SNX29: variants seen among roughly 807,000 people sequenced by gnomAD.
SNX29 encodes sorting nexin-29.
A neutral mutation model predicts 102.1 loss-of-function variants in SNX29; 78 were observed. The observed-to-expected ratio is 0.76, with a 90% confidence interval of 0.64 to 0.92. The LOEUF is 0.92. SNX29 is among the 40% of genes least tolerant of loss of function. The probability of loss-of-function intolerance (pLI) is 0.00; values close to 1 mark genes in which losing one functional copy is unlikely to be tolerated. For synonymous variants in SNX29, 580 were observed against 414.5 expected (o/e 1.40, Z -4.85); for missense variants, 1,280 against 1,061.7 (o/e 1.21, Z -2.86).
intron 5 of SNX29, among the ~76,000 whole-genome samples, chr16:12,043,911 C>T (rs552795877): frequency 2.8e-3 from 431 of 152,242 alleles, no homozygotes; most frequent in Admixed American, 4.8e-3. Context: ...TGCCACCATA[C>T]TCAGCTAATT....
chr16:12,437,727 A>G (rs1400587207), intron 18 of SNX29, among the ~76,000 whole-genome samples: 1 of 151,858 alleles, frequency 6.6e-6, no homozygotes, highest in African/African-American at 2.4e-5. Flanking sequence ...ATTTATCTCC[A>G]CCATCTTCCC....
intron 15 of SNX29, among the ~76,000 whole-genome samples, chr16:12,280,016 G>A (rs2079381974): frequency 6.6e-6 from 1 of 152,226 alleles, no homozygotes; most frequent in Non-Finnish European, 1.5e-5. Context: ...CTCCACCTGT[G>A]GGGCTGCTGG....
chr16:12,250,830 C>T (rs758808993), intron 14 of SNX29, among the ~76,000 whole-genome samples: 1 of 152,110 alleles, frequency 6.6e-6, no homozygotes, highest in Non-Finnish European at 1.5e-5. Flanking sequence ...TCTAGAAGAG[C>T]GACTGGGCTG....
At chr16:12,146,613 G>A (rs1336147038) in intron 13 of SNX29, among the ~76,000 whole-genome samples, 3 of 152,182 alleles carry the variant, frequency 2.0e-5, no homozygotes, top group African/African-American at 7.2e-5. Flanking sequence ...GGCAGGCTGA[G>A]GTGGGAGGGC....
At chr16:12,524,202 C>G (rs901118566) in intron 19 of SNX29, among the ~76,000 whole-genome samples, 1 of 152,136 alleles carries the variant, frequency 6.6e-6, no homozygotes, top group Non-Finnish European at 1.5e-5. Flanking sequence ...AATAAAACCT[C>G]TTTCTTAATC....
chr16:12,132,811 C>G (rs578224175), intron 13 of SNX29, among the ~76,000 whole-genome samples: 34 of 152,334 alleles, frequency 2.2e-4, no homozygotes, highest in African/African-American at 7.7e-4. Flanking sequence ...ATCTGTAAAA[C>G]AGACCAGTAT....
At chr16:12,475,672 T>C (rs1488096625) in intron 18 of SNX29, among the ~76,000 whole-genome samples, 2 of 152,242 alleles carry the variant, frequency 1.3e-5, no homozygotes, top group African/African-American at 4.8e-5. Flanking sequence ...AAGCCTATTC[T>C]ATAATAAAGT....
At chr16:12,149,400 A>G (rs552426207) in intron 13 of SNX29, among the ~76,000 whole-genome samples, 1 of 152,314 alleles carries the variant, frequency 6.6e-6, no homozygotes, top group African/African-American at 2.4e-5. Context: ...CACTCCAAAT[A>G]AAACAGAAGG....
chr16:12,325,830 C>T (rs11862931), intron 15 of SNX29, among the ~76,000 whole-genome samples: 5,274 of 152,034 alleles, frequency 0.035, 312 homozygotes, highest in African/African-American at 0.12. Context: ...AGTTCAAGAC[C>T]AGCCTGGACA....
rs563230657 is a variant in SNX29, at chr16:12,041,017, G to A, written c.248-1880G>A. Among the ~76,000 whole-genome samples, 10 of 152,056 alleles carry A rather than the reference G, an allele frequency of 6.6e-5. No homozygotes were observed. The East Asian group carries it at 1.9e-3, about 30-fold the overall frequency. On this transcript the variant is annotated intron_variant, in intron 4 of 20. Transcript: ENST00000566228. The stretch of plus-strand genomic sequence containing the variant: ...AGTAGAGACAGGGTTTCACCATTTT[G>A]GCCAGGATGGTCATCTCTTGACCTC...
intron 20 of SNX29, among the ~76,000 whole-genome samples, chr16:12,528,936 T>C (rs749891910): frequency 6.6e-6 from 1 of 152,240 alleles, no homozygotes; most frequent in Non-Finnish European, 1.5e-5. Context: ...AAATATTACT[T>C]AAAACTTTCA....
intron 19 of SNX29, among the ~76,000 whole-genome samples, chr16:12,502,261 C>A (rs1461871469): frequency 6.6e-6 from 1 of 152,066 alleles, no homozygotes; most frequent in African/African-American, 2.4e-5. Flanking sequence ...GGTCAGAGTA[C>A]TTGGGTTTGA....
chr16:12,037,089 T>G (rs1463785472), intron 4 of SNX29, among the ~76,000 whole-genome samples: 1 of 152,030 alleles, frequency 6.6e-6, no homozygotes, highest in Non-Finnish European at 1.5e-5. Flanking sequence ...GTTTCCAGGA[T>G]GATGAGAGAT....
chr16:12,035,680 T>A (rs1049315070), intron 4 of SNX29, among the ~76,000 whole-genome samples: 2 of 152,220 alleles, frequency 1.3e-5, no homozygotes, highest in Non-Finnish European at 2.9e-5. Flanking sequence ...CATGTGTGGC[T>A]GATTCTGTTA....
chr16:12,510,507 T>C (rs970141952), intron 19 of SNX29, among the ~76,000 whole-genome samples: 1 of 152,036 alleles, frequency 6.6e-6, no homozygotes, highest in African/African-American at 2.4e-5. Flanking sequence ...ACCCTGTCTC[T>C]ACTAAAAAGA....
rs558995555 is a variant in SNX29, at chr16:12,345,969, C to T, written c.1783-10194C>T. Among the ~76,000 whole-genome samples, 8 of 152,332 alleles carry T rather than the reference C, an allele frequency of 5.3e-5. No individual in the cohort carries two copies. In the South Asian group the frequency reaches 8.3e-4, roughly 16 times the overall value. On this transcript the variant is annotated intron_variant, in intron 15 of 20. Transcript: ENST00000566228. Reference sequence around the variant, plus strand: ...GCCCAGCACACAGTCCCGTCAGCTTCAGCAGCCACCAACCCAAGCCAGTCC... The same window carrying T: ...GCCCAGCACACAGTCCCGTCAGCTTTAGCAGCCACCAACCCAAGCCAGTCC...
chr16:12,560,189 A>C (rs1438129250), intron 20 of SNX29, among the ~76,000 whole-genome samples: 1 of 136,396 alleles, frequency 7.3e-6, no homozygotes, highest in Non-Finnish European at 1.5e-5. Context: ...TTCACCATTT[A>C]ACTTGTGCTT....
intron 11 of SNX29, among the ~76,000 whole-genome samples, chr16:12,104,928 G>A (rs2053169511): frequency 6.6e-6 from 1 of 152,218 alleles, no homozygotes; most frequent in African/African-American, 2.4e-5. Flanking sequence ...TCTAGGGCTG[G>A]GTCTGAATGT....
intron 20 of SNX29, chr16:12,526,676 A>C: frequency 2.0e-6 from 1 of 507,538 alleles, no homozygotes; most frequent in Non-Finnish European, 3.8e-6. Context: ...TCACGCATCG[A>C]CTGAATTCCC....
Sources: allele counts gnomAD v4.1 joint callset (sites outside exome capture counted in the v4.1 genomes callset), GRCh38; gene constraint gnomAD v4.1.1; transcripts MANE v1.5; gene names NCBI Gene and HGNC (gene_info 2026-07-23, HGNC 2026-07-21).